The following AIG1 variants were observed in gnomAD, a reference collection of about 807,000 sequenced individuals.
The protein encoded by AIG1 is androgen induced 1, also known as androgen-induced gene 1 protein.
Under a neutral mutation model 31.4 loss-of-function variants are expected in AIG1, and 23 were observed. That is an observed-to-expected ratio of 0.73 (90% CI 0.53 to 1.04). The LOEUF is 1.04. AIG1 is among the 50% of genes least tolerant of loss of function. The pLI is 0.00. For synonymous variants in AIG1, 100 were observed against 110.5 expected, an observed-to-expected ratio of 0.90 and a Z score of 0.60; for missense variants, 274 against 295.0, an observed-to-expected ratio of 0.93 and a Z score of 0.52.
intron 1 of AIG1, among the ~76,000 whole-genome samples, chr6:143,130,905 G>A (rs1783170907): frequency 6.6e-6 from 1 of 152,106 alleles, no homozygotes; most frequent in South Asian, 2.1e-4. Context: ...CCCACTGTGT[G>A]TTGTTCCCCT....
chr6:143,267,882 C>A (rs1011479370), intron 3 of AIG1, among the ~76,000 whole-genome samples: 1 of 152,130 alleles, frequency 6.6e-6, no homozygotes, highest in Non-Finnish European at 1.5e-5. Flanking sequence ...AGAATGGAGA[C>A]CTGCCTCCTA....
upstream of AIG1, among the ~76,000 whole-genome samples, chr6:143,059,913 G>A (rs754731422): frequency 2.6e-5 from 4 of 152,228 alleles, no homozygotes; most frequent in Non-Finnish European, 5.9e-5. Context: ...TGGAAGGCAG[G>A]AGGGACTCCA....
At chr6:143,343,286 C>T (rs1202110949), downstream of AIG1, 6 of 631,082 alleles carry the variant, frequency 9.5e-6, no homozygotes, top group African/African-American at 1.1e-4. Flanking sequence ...ATGTTACTTA[C>T]CCTCATGAAC....
At chr6:143,332,772 T>A (rs1472981210) in intron 4 of AIG1, among the ~76,000 whole-genome samples, 5 of 152,230 alleles carry the variant, frequency 3.3e-5, no homozygotes, top group Admixed American at 3.3e-4. Context: ...ATGACCAGAT[T>A]GTTTAACAGT....
intron 3 of AIG1, among the ~76,000 whole-genome samples, chr6:143,276,266 A>G (rs1467238157): frequency 6.6e-6 from 1 of 152,216 alleles, no homozygotes; most frequent in African/African-American, 2.4e-5. Flanking sequence ...TATTAAAACC[A>G]TATCCTAAGA....
chr6:143,301,424 A>C (rs576083099), intron 4 of AIG1, among the ~76,000 whole-genome samples: 1 of 152,296 alleles, frequency 6.6e-6, no homozygotes, highest in East Asian at 1.9e-4. Context: ...TGCAAGCCCC[A>C]AGCCTTGGCA....
At chr6:143,204,867 T>C (rs1346490182) in intron 3 of AIG1, among the ~76,000 whole-genome samples, 9 of 151,134 alleles carry the variant, frequency 6.0e-5, no homozygotes, top group Non-Finnish European at 1.2e-4. Flanking sequence ...GGAGAAGGAG[T>C]CATTTCTACA....
chr6:143,307,701 C>T (rs1324992601), intron 4 of AIG1, among the ~76,000 whole-genome samples: 4 of 151,834 alleles, frequency 2.6e-5, no homozygotes, highest in African/African-American at 9.7e-5. Context: ...TCTCCAGCTG[C>T]GTGCTGGGAG....
At chr6:143,255,435 G>A (rs1207220148) in intron 3 of AIG1, among the ~76,000 whole-genome samples, 3 of 152,134 alleles carry the variant, frequency 2.0e-5, no homozygotes, top group Non-Finnish European at 4.4e-5. Flanking sequence ...TCCTCATGTG[G>A]CCTCTTCTTT....
At chr6:143,090,036 G>A (rs978708227) in intron 1 of AIG1, among the ~76,000 whole-genome samples, 2 of 152,180 alleles carry the variant, frequency 1.3e-5, no homozygotes, top group African/African-American at 4.8e-5. Context: ...TGTGACCAGG[G>A]ACAAGAATGA....
At chr6:143,257,425 C>T (rs1795446205) in intron 3 of AIG1, among the ~76,000 whole-genome samples, 1 of 152,190 alleles carries the variant, frequency 6.6e-6, no homozygotes, top group Admixed American at 6.5e-5. Flanking sequence ...AATTAAACTT[C>T]TGAAATTAGT....
chr6:143,116,502 C>T (rs375047271), intron 1 of AIG1, among the ~76,000 whole-genome samples: 1 of 151,278 alleles, frequency 6.6e-6, no homozygotes, highest in Non-Finnish European at 1.5e-5. Context: ...GTGGGGGTGA[C>T]GAAGGATGTA....
chr6:143,112,268 C>T (rs1226197833), intron 1 of AIG1, among the ~76,000 whole-genome samples: 1 of 152,198 alleles, frequency 6.6e-6, no homozygotes, highest in Non-Finnish European at 1.5e-5. Context: ...CTATCCACAA[C>T]TTCTTCTGTG....
chr6:143,189,222 T>C (rs867828131), intron 3 of AIG1: 1 of 432,924 alleles, frequency 2.3e-6, no homozygotes, highest in African/African-American at 2.1e-5. Context: ...TTTTTAAAAA[T>C]TTTTTTGTAG....
chr6:143,300,223 C>A (rs913077835), intron 4 of AIG1, among the ~76,000 whole-genome samples: 13 of 152,182 alleles, frequency 8.5e-5, no homozygotes, highest in African/African-American at 2.2e-4. Context: ...AGTGGAAATT[C>A]TTCAGAGATG....
intron 3 of AIG1, among the ~76,000 whole-genome samples, chr6:143,240,720 A>G (rs915533229): frequency 2.0e-5 from 3 of 152,220 alleles, no homozygotes; most frequent in African/African-American, 4.8e-5. Flanking sequence ...ATAAAAAATT[A>G]CTAGAAAAAT....
chr6:143,326,286 T>C lies in AIG1; in HGVS notation c.516-6996T>C, dbSNP rs1383664524. On this transcript the variant is annotated intron_variant, in intron 4 of 5. Coordinates refer to ENST00000357847, the MANE Select transcript of AIG1 (RefSeq NM_016108.4). This position sits in a 1 kb window ranked among gnomAD's most constrained non-coding sequence, Gnocchi z 4.5. The stretch of plus-strand genomic sequence containing the variant: ...GCTCCTTCTGCCCTCTCTTCCTTGA[T>C]CACAACAAAAGTGTTCTCTTCTTGA... Among the ~76,000 whole-genome samples the C allele has an allele frequency of 1.3e-5, 2 of 152,242 alleles. No homozygotes were observed. The highest frequency in any genetic ancestry group is 2.9e-5 in the Non-Finnish European group (2 of 68,042).
chr6:143,113,801 G>C (rs1437678659), intron 1 of AIG1, among the ~76,000 whole-genome samples: 1 of 151,434 alleles, frequency 6.6e-6, no homozygotes, highest in Non-Finnish European at 1.5e-5. Flanking sequence ...TTGAGACGGA[G>C]TCTCCCTCCG....
At chr6:143,130,894 C>T (rs899050452) in intron 1 of AIG1, among the ~76,000 whole-genome samples, 1 of 152,124 alleles carries the variant, frequency 6.6e-6, no homozygotes, top group Non-Finnish European at 1.5e-5. Flanking sequence ...CCTCAATAGA[C>T]CCCACTGTGT....
Sources: allele counts gnomAD v4.1 joint callset (sites outside exome capture counted in the v4.1 genomes callset), GRCh38; gene constraint gnomAD v4.1.1; non-coding constraint Gnocchi (gnomAD v3.1); transcripts MANE v1.5; gene names NCBI Gene and HGNC (gene_info 2026-07-23, HGNC 2026-07-21).